Variants in CILK1 observed in about 807,000 individuals in gnomAD.
CILK1 encodes serine/threonine-protein kinase ICK.
CILK1 carries 47 observed loss-of-function variants against 79.2 expected under a neutral mutation model. That is an observed-to-expected ratio of 0.59 (90% CI 0.47 to 0.76). The LOEUF (loss-of-function observed/expected upper bound fraction) is 0.76, where lower values mean the gene tolerates loss of function less well. Ranked by LOEUF, CILK1 falls within the 30% of genes least tolerant of loss-of-function variation. The probability of loss-of-function intolerance (pLI) is 0.00; values close to 1 mark genes in which losing one functional copy is unlikely to be tolerated. For missense variants in CILK1, 660 were observed against 769.5 expected, an observed-to-expected ratio of 0.86 and a Z score of 1.68; for synonymous variants, 266 against 275.9, an observed-to-expected ratio of 0.96 and a Z score of 0.36.
At chr6:53,053,158 G>C (rs1488408308) in intron 1 of CILK1, among the ~76,000 whole-genome samples, 1 of 151,858 alleles carries the variant, frequency 6.6e-6, no homozygotes, top group Non-Finnish European at 1.5e-5. Context: ...CACACACCCA[G>C]CTTCCTTGAG....
rs374240258 is a variant in CILK1 at position 53,015,602 on chromosome 6, C to A, written c.831+481G>T. Among the ~76,000 whole-genome samples the A allele has an allele frequency of 7.2e-5, 11 of 152,286 alleles. No homozygotes were observed. The East Asian group carries it at 1.7e-3, about 24-fold the overall frequency. On this transcript the variant is annotated intron_variant, in intron 8 of 13. Coordinates refer to ENST00000676107, the MANE Select transcript of CILK1 (RefSeq NM_014920.5). ...AAAAATCATATAAAATATATTCAAG[C>A]ATTTGCACACTGTAAAGTGCTATGA...
chr6:53,053,783 T>C (rs190113941), intron 1 of CILK1, among the ~76,000 whole-genome samples: 151 of 152,292 alleles, frequency 9.9e-4, no homozygotes, highest in African/African-American at 3.2e-3. Flanking sequence ...TCTGGAGCCA[T>C]TGGCAGCACC....
rs1254673820 is a variant in CILK1 at position 53,003,582 on chromosome 6, A to G, written c.*1567T>C. On this transcript the variant is annotated 3_prime_UTR_variant, in exon 14 of 14. Transcript: ENST00000676107. The stretch of plus-strand genomic sequence containing the variant: ...GTGAAACCCCGTCTCTACTAAAAAT[A>G]CAAAAAATTAGCTGGGCGTGGTGGC... The G allele has an allele frequency of 6.6e-6, 1 of 152,174 alleles. No individual in the cohort carries two copies. Among genetic ancestry groups the G allele is most frequent in the Non-Finnish European group, 1.5e-5 (1 of 68,098 alleles). 9.4% of individuals were successfully genotyped at this position (152,174 alleles called of 1,614,324 possible). A position where few individuals can be genotyped will look rare whatever the true frequency, so the allele number is the denominator to read the frequency against.
chr6:53,026,428 C>T (rs914552277), intron 5 of CILK1, among the ~76,000 whole-genome samples: 1 of 152,184 alleles, frequency 6.6e-6, no homozygotes, highest in Non-Finnish European at 1.5e-5. Context: ...GGATTACAGG[C>T]ATGAGCCACT....
At chr6:53,032,713 A>T in intron 3 of CILK1, 59 bp from the exon 4 acceptor site, 1 of 1,404,002 alleles carries the variant, frequency 7.1e-7, no homozygotes. Flanking sequence ...CTGTTGTTGA[A>T]AAAGAAAAGT....
At chr6:53,014,682 T>C (rs1030972132) in intron 8 of CILK1, among the ~76,000 whole-genome samples, 6 of 152,246 alleles carry the variant, frequency 3.9e-5, no homozygotes, top group African/African-American at 1.4e-4. Flanking sequence ...AATGATTATA[T>C]GCAAGTGTAG....
intron 5 of CILK1, among the ~76,000 whole-genome samples, chr6:53,021,731 CTTATCTAGTATTCACTAT>C (rs1195026998): frequency 6.6e-6 from 1 of 151,346 alleles, no homozygotes; most frequent in Non-Finnish European, 1.5e-5. Context: ...CTGAAAAATC[CTTATCTAGTATTCACTAT>C]ACTATACTTT....
At chr6:53,048,409 T>G (rs964159607) in intron 1 of CILK1, among the ~76,000 whole-genome samples, 4 of 152,196 alleles carry the variant, frequency 2.6e-5, no homozygotes, top group African/African-American at 9.7e-5. Context: ...TTCACATTAG[T>G]GAATTATTTC....
At chr6:53,054,707 C>G (rs1259526951) in intron 1 of CILK1, 1 of 152,222 alleles carries the variant, frequency 6.6e-6, no homozygotes, top group Non-Finnish European at 1.5e-5. Flanking sequence ...TACTCAACTA[C>G]CAAAGAAAGA....
intron 1 of CILK1, among the ~76,000 whole-genome samples, chr6:53,050,413 A>C (rs1174764970): frequency 6.6e-6 from 1 of 151,726 alleles, no homozygotes. Context: ...TGTGAGGTTT[A>C]CTTGCATTTG....
chr6:53,031,185 C>T (rs939747635), intron 4 of CILK1, 41 bp from the exon 5 acceptor site: 1 of 1,250,742 alleles, frequency 8.0e-7, no homozygotes, highest in African/African-American at 1.5e-5. Context: ...AATCAAAGGC[C>T]AGATCCTTTG....
chr6:53,028,064 G>T (rs934578803), intron 5 of CILK1, among the ~76,000 whole-genome samples: 20 of 149,390 alleles, frequency 1.3e-4, no homozygotes, highest in Non-Finnish European at 2.8e-4. Context: ...GGAGAATGGC[G>T]TGAACCTGGG....
At chr6:53,027,391 G>T (rs1268792407) in intron 5 of CILK1, among the ~76,000 whole-genome samples, 1 of 152,200 alleles carries the variant, frequency 6.6e-6, no homozygotes, top group Non-Finnish European at 1.5e-5. Context: ...CTTTGGCATT[G>T]CTCAATCAGT....
At chr6:53,030,214 C>A (rs969478937) in intron 5 of CILK1, among the ~76,000 whole-genome samples, 4 of 152,228 alleles carry the variant, frequency 2.6e-5, no homozygotes, top group African/African-American at 9.6e-5. Context: ...ACAACTCAGA[C>A]TGGCCCCCGT....
At chr6:53,044,811 C>T (rs222451) in intron 1 of CILK1, among the ~76,000 whole-genome samples, 1 of 152,074 alleles carries the variant, frequency 6.6e-6, no homozygotes, top group Non-Finnish European at 1.5e-5. Context: ...TAGCAAATGA[C>T]GACACAGGAA....
chr6:53,009,142 C>T lies in CILK1; in HGVS notation c.1621+297G>A, dbSNP rs79902511. ...AGGAGGGTGCCTGCTGCAGCCAGGGCTTTAGCCATCAGGCCTAGTAAGAGT... is the reference window on the plus strand; with the variant it reads ...AGGAGGGTGCCTGCTGCAGCCAGGGTTTTAGCCATCAGGCCTAGTAAGAGT... On this transcript the variant is annotated intron_variant, in intron 12 of 13. Transcript: ENST00000676107. 2.6e-4 allele frequency among the ~76,000 whole-genome samples: 39 copies of T among 152,330 alleles called. No homozygotes were observed. In the East Asian group the frequency reaches 6.0e-3, roughly 23 times the overall value.
intron 5 of CILK1, among the ~76,000 whole-genome samples, chr6:53,028,837 G>GT (rs1392219431): frequency 6.6e-6 from 1 of 152,010 alleles, no homozygotes; most frequent in Non-Finnish European, 1.5e-5. Context: ...GTGTGTGTGT[G>GT]TGTGTGTAAG....
In CILK1 at chr6:53,023,426, G is replaced by A. The variant is rs145682926; in HGVS notation, c.359-4067C>T. Among the ~76,000 whole-genome samples the A allele has an allele frequency of 1.2e-4, 18 of 152,214 alleles. No individual in the cohort carries two copies. The East Asian group carries it at 3.5e-3, about 29-fold the overall frequency. ...ACATCTACCTGAGCCAAGCACCAGG[G>A]TCAACTAGAGAGCAAACCAGAGCTG... On this transcript the variant is annotated intron_variant, in intron 5 of 13. Coordinates refer to ENST00000676107, the MANE Select transcript of CILK1 (RefSeq NM_014920.5).
chr6:53,019,191 G>C (rs769053867), intron 6 of CILK1, 36 bp downstream of exon 6: 1 of 1,571,120 alleles, frequency 6.4e-7, no homozygotes, highest in Non-Finnish European at 8.8e-7. Context: ...TTTTAAAGAA[G>C]TGCAATTAAA....
Sources: gnomAD v4.1 joint callset for allele counts (sites outside exome capture counted in the v4.1 genomes callset) on GRCh38, gnomAD v4.1.1 for gene constraint, MANE v1.5 for transcripts, NCBI Gene and HGNC (gene_info 2026-07-23, HGNC 2026-07-21) for gene names.